MKLN1: variants seen among roughly 807,000 people sequenced by gnomAD.
The protein encoded by MKLN1 is muskelin 1, also known as muskelin.
In MKLN1, 18 loss-of-function variants were observed where a neutral mutation model predicts 99.0. The observed-to-expected ratio is 0.18, with a 90% CI of 0.13 to 0.27. MKLN1 has a LOEUF of 0.27. MKLN1 is among the 10% of genes least tolerant of loss of function. The pLI is 1.00. For synonymous variants in MKLN1, 288 were observed against 293.2 expected, an observed-to-expected ratio of 0.98 and a Z score of 0.18; for missense variants, 621 against 875.9, an observed-to-expected ratio of 0.71 and a Z score of 3.67.
chr7:131,113,737 T>C (rs1279816575), intron 1 of MKLN1, among the ~76,000 whole-genome samples: 3 of 150,692 alleles, frequency 2.0e-5, no homozygotes, highest in African/African-American at 7.3e-5. Flanking sequence ...CTCAGGAGGA[T>C]CACTTGAACC....
chr7:131,434,764 T>C (rs1795629522), intron 9 of MKLN1, among the ~76,000 whole-genome samples: 2 of 152,086 alleles, frequency 1.3e-5, no homozygotes, highest in African/African-American at 2.4e-5. Flanking sequence ...ATGTTGAACA[T>C]GCAGAGGAGT....
intron 3 of MKLN1, among the ~76,000 whole-genome samples, chr7:131,281,983 C>A (rs896840200): frequency 6.6e-6 from 1 of 152,054 alleles, no homozygotes; most frequent in Non-Finnish European, 1.5e-5. Flanking sequence ...CATTTCTGAG[C>A]CTGTTTTATC....
At chr7:131,403,591 GT>G (rs531543988) in intron 6 of MKLN1, among the ~76,000 whole-genome samples, 4 of 152,076 alleles carry the variant, frequency 2.6e-5, no homozygotes, top group Non-Finnish European at 5.9e-5. Context: ...ATTATTTCTA[GT>G]TTTTTTATTT....
intron 3 of MKLN1, among the ~76,000 whole-genome samples, chr7:131,311,974 C>A (rs1414586842): frequency 1.3e-5 from 2 of 151,944 alleles, no homozygotes; most frequent in African/African-American, 2.4e-5. Flanking sequence ...TCCTTATAAA[C>A]AAATCTATCA....
In MKLN1 at chr7:131,426,229, A is replaced by G. The variant is rs920019281; in HGVS notation, c.848-2804A>G. On this transcript the variant is annotated intron_variant, in intron 8 of 17. Transcript: ENST00000352689. ...AAGAGACCTGCTTTTCAGAAAGAAC[A>G]TTGAGAACCCAGAGCCCAAGAGGAA... Among the ~76,000 whole-genome samples, 5 of 152,366 alleles carry G rather than the reference A, an allele frequency of 3.3e-5. No individual in the cohort carries two copies. The East Asian group carries it at 7.7e-4, about 24-fold the overall frequency.
chr7:131,128,395 A>C (rs1372514563), intron 1 of MKLN1, among the ~76,000 whole-genome samples: 1 of 152,156 alleles, frequency 6.6e-6, no homozygotes, highest in Non-Finnish European at 1.5e-5. Flanking sequence ...CATGAGCAAA[A>C]AAGCAATGGT....
chr7:131,248,705 TG>T (rs1412342566), intron 3 of MKLN1, among the ~76,000 whole-genome samples: 2 of 152,160 alleles, frequency 1.3e-5, no homozygotes, highest in African/African-American at 4.8e-5. Flanking sequence ...AAAAGTTGGT[TG>T]GTTTCTCATT....
intron 3 of MKLN1, among the ~76,000 whole-genome samples, chr7:131,237,312 A>G (rs1356180631): frequency 6.6e-6 from 1 of 152,214 alleles, no homozygotes; most frequent in Non-Finnish European, 1.5e-5. Flanking sequence ...TCAAAGTACA[A>G]CGTGAAGTCT....
chr7:131,331,459 G>C (rs1484104786), intron 1 of MKLN1, among the ~76,000 whole-genome samples: 1 of 152,194 alleles, frequency 6.6e-6, no homozygotes, highest in Non-Finnish European at 1.5e-5. Flanking sequence ...GATTTAGGGA[G>C]GTAAGTTAAC....
intron 6 of MKLN1, among the ~76,000 whole-genome samples, chr7:131,406,038 A>G (rs1794696754): frequency 6.6e-6 from 1 of 152,074 alleles, no homozygotes; most frequent in Non-Finnish European, 1.5e-5. Flanking sequence ...ATCGAATTAT[A>G]TGTTTCCTAT....
At chr7:131,152,647 G>A (rs997298014) in intron 2 of MKLN1, among the ~76,000 whole-genome samples, 1 of 151,532 alleles carries the variant, frequency 6.6e-6, no homozygotes, top group Non-Finnish European at 1.5e-5. Context: ...TTACAGGCAC[G>A]CTCCACCATG....
chr7:131,288,205 G>A (rs1225496053), intron 3 of MKLN1, among the ~76,000 whole-genome samples: 1 of 152,186 alleles, frequency 6.6e-6, no homozygotes, highest in Non-Finnish European at 1.5e-5. Flanking sequence ...GCAGGCATCA[G>A]CAAGTATCAG....
intron 2 of MKLN1, among the ~76,000 whole-genome samples, chr7:131,384,858 C>A (rs1793960881): frequency 6.6e-6 from 1 of 152,174 alleles, no homozygotes; most frequent in Non-Finnish European, 1.5e-5. Flanking sequence ...CTTAACACCA[C>A]CAGCTTAATT....
At chr7:131,327,862 T>C (rs769004167), upstream of MKLN1, 44 of 1,604,350 alleles carry the variant, frequency 2.7e-5, no homozygotes, top group Non-Finnish European at 2.5e-5. Flanking sequence ...TCCCGTTCGC[T>C]GCCAGCGGTC....
At chr7:131,331,457 G>T (rs976657374) in intron 1 of MKLN1, among the ~76,000 whole-genome samples, 1 of 152,138 alleles carries the variant, frequency 6.6e-6, no homozygotes, top group African/African-American at 2.4e-5. Context: ...GAGATTTAGG[G>T]AGGTAAGTTA....
intron 12 of MKLN1, among the ~76,000 whole-genome samples, chr7:131,462,725 G>A (rs1168995923): frequency 3.9e-5 from 6 of 152,138 alleles, no homozygotes; most frequent in Non-Finnish European, 8.8e-5. Flanking sequence ...TAAGGAGAAG[G>A]CAATATATAA....
chr7:131,116,609 G>T (rs1242142379), intron 1 of MKLN1, among the ~76,000 whole-genome samples: 2 of 151,780 alleles, frequency 1.3e-5, no homozygotes, highest in Non-Finnish European at 2.9e-5. Context: ...ACTTTGAAAA[G>T]ATAGTAGGAT....
intron 9 of MKLN1, among the ~76,000 whole-genome samples, chr7:131,433,204 G>T (rs982836118): frequency 1.3e-5 from 2 of 152,116 alleles, no homozygotes; most frequent in African/African-American, 4.8e-5. Context: ...TCTTGACTTT[G>T]ATGATTTTTA....
chr7:131,422,697 T>G (rs1795242103), intron 8 of MKLN1, among the ~76,000 whole-genome samples: 1 of 152,224 alleles, frequency 6.6e-6, no homozygotes, highest in Non-Finnish European at 1.5e-5. Context: ...TATTAGAAAC[T>G]TAATAGTACC....
Sources: gnomAD v4.1 joint callset for allele counts (sites outside exome capture counted in the v4.1 genomes callset) on GRCh38, gnomAD v4.1.1 for gene constraint, MANE v1.5 for transcripts, NCBI Gene and HGNC (gene_info 2026-07-23, HGNC 2026-07-21) for gene names.